Variants in ZFHX3 observed in about 807,000 individuals in gnomAD.
ZFHX3 encodes the protein zinc finger homeobox protein 3.
In ZFHX3, 42 loss-of-function variants were observed where a neutral mutation model predicts 279.1. The observed-to-expected ratio is 0.15, with a 90% confidence interval of 0.12 to 0.19. The LOEUF is 0.19. ZFHX3 is among the 10% of genes least tolerant of loss of function. ZFHX3 has a pLI of 1.00. For missense variants in ZFHX3, 4,981 were observed against 4,754.0 expected, an observed-to-expected ratio of 1.05 and a Z score of -1.40; for synonymous variants, 2,293 against 1,957.8, an observed-to-expected ratio of 1.17 and a Z score of -4.52.
At chr16:73,139,472 T>C (rs956055007) in intron 6 of ZFHX3, among the ~76,000 whole-genome samples, 2 of 152,230 alleles carry the variant, frequency 1.3e-5, no homozygotes, top group Non-Finnish European at 2.9e-5. Context: ...TCTCAAGATA[T>C]TGTACATTAT....
intron 3 of ZFHX3, among the ~76,000 whole-genome samples, chr16:73,346,721 C>T (rs2016131099): frequency 6.6e-6 from 1 of 152,154 alleles, no homozygotes; most frequent in African/African-American, 2.4e-5. Flanking sequence ...ATCTGCCCAC[C>T]TCGGCCTCCC....
chr16:73,301,228 G>A (rs924730190), intron 4 of ZFHX3, among the ~76,000 whole-genome samples: 25 of 152,182 alleles, frequency 1.6e-4, no homozygotes, highest in African/African-American at 5.8e-4. Context: ...GACATCCTTT[G>A]TCTTTCCTTT....
intron 2 of ZFHX3, among the ~76,000 whole-genome samples, chr16:73,540,463 C>G (rs925706474): frequency 6.6e-6 from 1 of 152,182 alleles, no homozygotes; most frequent in African/African-American, 2.4e-5. Flanking sequence ...GCATCAAAAT[C>G]TCCTAAGAGA....
At chr16:73,682,926 GAA>G (rs1491401944) in intron 1 of ZFHX3, among the ~76,000 whole-genome samples, 2,942 of 24,748 alleles carry the variant, frequency 0.12, 294 homozygotes, top group Middle Eastern at 0.16. Flanking sequence ...GAGAGAAAGA[GAA>G]AGAAAGAAAG....
At chr16:73,647,643 G>C (rs1418434728) in intron 2 of ZFHX3, among the ~76,000 whole-genome samples, 3 of 151,792 alleles carry the variant, frequency 2.0e-5, no homozygotes, top group Non-Finnish European at 4.4e-5. Flanking sequence ...TAGCAGTGTG[G>C]AAATAGACTA....
chr16:73,109,380 C>A (rs1240332190), intron 7 of ZFHX3, among the ~76,000 whole-genome samples: 1 of 152,066 alleles, frequency 6.6e-6, no homozygotes, highest in African/African-American at 2.4e-5. Flanking sequence ...ATGAACAAAG[C>A]CAAATACATT....
At chr16:73,603,153 C>T (rs1334162865) in intron 2 of ZFHX3, among the ~76,000 whole-genome samples, 2 of 151,446 alleles carry the variant, frequency 1.3e-5, no homozygotes, top group Non-Finnish European at 2.9e-5. Context: ...GGCGCAGTGG[C>T]GGGCGTCTGT....
chr16:72,994,143 G>C (rs1002567291), intron 1 of ZFHX3, among the ~76,000 whole-genome samples: 1 of 152,104 alleles, frequency 6.6e-6, no homozygotes, highest in South Asian at 2.1e-4. Context: ...CTGTGGTTTT[G>C]TTCTCTCTTA....
intron 5 of ZFHX3, among the ~76,000 whole-genome samples, chr16:73,190,743 G>A (rs1192475476): frequency 1.3e-5 from 2 of 152,112 alleles, no homozygotes; most frequent in Admixed American, 6.5e-5. Context: ...CGTTTTATCC[G>A]GATTTAAGGA....
chr16:72,828,774 C>T (rs1267737014), intron 5 of ZFHX3, among the ~76,000 whole-genome samples: 7 of 152,012 alleles, frequency 4.6e-5, no homozygotes, highest in Admixed American at 4.6e-4. Context: ...ATGATCTTAG[C>T]TCACTGCAGC....
chr16:73,317,279 G>C (rs2015472349), intron 4 of ZFHX3, among the ~76,000 whole-genome samples: 1 of 150,098 alleles, frequency 6.7e-6, no homozygotes, highest in South Asian at 2.1e-4. Flanking sequence ...AAGCCGGGGG[G>C]TGGGGTGGGG....
chr16:73,598,741 C>T (rs1345273177), intron 2 of ZFHX3, among the ~76,000 whole-genome samples: 1 of 151,338 alleles, frequency 6.6e-6, no homozygotes, highest in Non-Finnish European at 1.5e-5. Context: ...TCTTGATCAC[C>T]CATTTCTTCA....
intron 5 of ZFHX3, among the ~76,000 whole-genome samples, chr16:73,174,739 C>T (rs1355903185): frequency 1.3e-5 from 2 of 151,894 alleles, no homozygotes; most frequent in Admixed American, 6.6e-5. Flanking sequence ...AAATCAGGGC[C>T]GAGCACAGTG....
rs771717307 is a variant in ZFHX3, at chr16:72,795,555, G to A, written c.7127C>T (p.Thr2376Met). The A allele has an allele frequency of 2.9e-5, 47 of 1,613,936 alleles. No homozygotes were observed. Among genetic ancestry groups the A allele is most frequent in the Middle Eastern group, 1.6e-4 (1 of 6,084 alleles). Residue 2376 changes from threonine (T) to methionine (M), a missense_variant, in exon 9 of 10, where the codon ACG becomes ATG. Transcript: ENST00000268489. ...EDSMDAMEILTPTSSSCSTPM... is the reference protein window; with the variant it reads ...EDSMDAMEILMPTSSSCSTPM... ...GGTACTGCAGGATGAGCTGGTAGGC[G>A]TCAGGATTTCCATGGCATCCATGGA... is the stretch of plus-strand genomic sequence containing the variant.
chr16:73,184,108 G>T (rs1002555880), intron 5 of ZFHX3, among the ~76,000 whole-genome samples: 1 of 152,050 alleles, frequency 6.6e-6, no homozygotes, highest in Non-Finnish European at 1.5e-5. Context: ...TCTCCTAGAG[G>T]TATATGGGCT....
At chr16:73,583,276 A>G (rs2051880490) in intron 2 of ZFHX3, among the ~76,000 whole-genome samples, 1 of 152,206 alleles carries the variant, frequency 6.6e-6, no homozygotes, top group Non-Finnish European at 1.5e-5. Context: ...ACAAACCTAG[A>G]AAATCTAAAT....
chr16:73,450,536 A>C (rs1203888490), intron 3 of ZFHX3, among the ~76,000 whole-genome samples: 1 of 152,156 alleles, frequency 6.6e-6, no homozygotes, highest in Admixed American at 6.5e-5. Flanking sequence ...CGTGTTTTTC[A>C]TAATTTTGCT....
At chr16:73,007,601 C>T (rs1218074188) in intron 1 of ZFHX3, among the ~76,000 whole-genome samples, 6 of 152,058 alleles carry the variant, frequency 3.9e-5, no homozygotes, top group Admixed American at 6.6e-5. Context: ...TGCCCACCAC[C>T]GCACCCGGCT....
chr16:73,045,717 C>A (rs948209531), intron 1 of ZFHX3, among the ~76,000 whole-genome samples: 38 of 142,388 alleles, frequency 2.7e-4, no homozygotes, highest in African/African-American at 9.3e-4. Flanking sequence ...CAATAGTTCC[C>A]TGTTCATCAA....
Sources: allele counts gnomAD v4.1 joint callset (sites outside exome capture counted in the v4.1 genomes callset), GRCh38; gene constraint gnomAD v4.1.1; transcripts MANE v1.5; gene names NCBI Gene and HGNC (gene_info 2026-07-23, HGNC 2026-07-21).